The following DNAAF19 variants were observed in gnomAD, a reference collection of about 807,000 sequenced individuals.
DNAAF19 encodes the protein dynein axonemal assembly factor 19.
the DNAAF19 span, chr17:44,903,191 C>CA: frequency 1.0e-5 from 13 of 1,269,648 alleles, no homozygotes; most frequent in African/African-American, 2.0e-4. Context: ...TTATGGTAAA[C>CA]AAACACTGAT....
chr17:44,904,599 T>C, the DNAAF19 span: 4 of 1,550,548 alleles, frequency 2.6e-6, no homozygotes, highest in Admixed American at 7.8e-5. Flanking sequence ...CTGGCCATCA[T>C]TAACTATGTG....
the DNAAF19 span, chr17:44,901,674 T>C: frequency 6.2e-7 from 1 of 1,612,300 alleles, no homozygotes; most frequent in South Asian, 1.1e-5. Flanking sequence ...CCTGCCCCTT[T>C]AGTCCAGCAG....
the DNAAF19 span, chr17:44,904,660 C>T: frequency 1.9e-6 from 3 of 1,550,438 alleles, no homozygotes; most frequent in Admixed American, 3.9e-5. Flanking sequence ...TTCAGTTCCA[C>T]CAGCAGAGAC....
the DNAAF19 span, chr17:44,905,024 C>T: frequency 4.5e-6 from 7 of 1,549,742 alleles, no homozygotes; most frequent in Admixed American, 3.9e-5. Context: ...TCACTTCTGT[C>T]GTTGCTGCTG....
chr17:44,903,960 T>C, the DNAAF19 span: 2 of 1,550,528 alleles, frequency 1.3e-6, no homozygotes, highest in Admixed American at 2.0e-5. Context: ...GCAGCCTACC[T>C]GGCCGACATG....
chr17:44,900,990 G>A, the DNAAF19 span: 1 of 1,597,960 alleles, frequency 6.3e-7, no homozygotes. Context: ...GCCTTCCCAG[G>A]CACAGGCCAT....
chr17:44,902,488 C>A, the DNAAF19 span: 1 of 1,614,254 alleles, frequency 6.2e-7, no homozygotes. Flanking sequence ...GCTCGGCTGC[C>A]TCTTCCAGAC....
chr17:44,904,016 G>A, the DNAAF19 span: 770 of 1,550,666 alleles, frequency 5.0e-4, 8 homozygotes, highest in African/African-American at 9.7e-3. Flanking sequence ...GGTGCCAGCT[G>A]TAGTCTGGTT....
the DNAAF19 span, chr17:44,900,967 A>G: frequency 8.0e-5 from 127 of 1,582,032 alleles, 3 homozygotes; most frequent in South Asian, 1.3e-3. Context: ...GTCCACTGAC[A>G]TGTATTCCCT....
the DNAAF19 span, chr17:44,904,664 C>T: frequency 1.3e-6 from 2 of 1,550,456 alleles, no homozygotes; most frequent in Non-Finnish European, 1.7e-6. Flanking sequence ...GTTCCACCAG[C>T]AGAGACTGGG....
the DNAAF19 span, chr17:44,902,398 G>A: frequency 1.2e-6 from 2 of 1,614,218 alleles, no homozygotes; most frequent in Non-Finnish European, 8.5e-7. Context: ...GACGTCTGCT[G>A]ACTTCTATCG....
At chr17:44,903,608 C>T in the DNAAF19 span, 8 of 1,405,004 alleles carry the variant, frequency 5.7e-6, no homozygotes, top group Non-Finnish European at 7.4e-6. Context: ...TCCCCCCCCA[C>T]CCTGAGATCA....
chr17:44,902,374 C>T, the DNAAF19 span: 1 of 1,614,208 alleles, frequency 6.2e-7, no homozygotes, highest in Admixed American at 1.7e-5. Flanking sequence ...GGAGAAAGCC[C>T]CCCTCCAGCC....
At chr17:44,902,802 G>A in the DNAAF19 span, 1 of 1,554,792 alleles carries the variant, frequency 6.4e-7, no homozygotes, top group Non-Finnish European at 8.7e-7. Context: ...TGCTGGAGCT[G>A]TACCAGGTTG....
chr17:44,904,019 G>T, the DNAAF19 span: 3 of 1,550,644 alleles, frequency 1.9e-6, no homozygotes, highest in Non-Finnish European at 1.7e-6. Flanking sequence ...GCCAGCTGTA[G>T]TCTGGTTCTA....
the DNAAF19 span, chr17:44,902,398 G>C: frequency 2.5e-6 from 4 of 1,614,100 alleles, no homozygotes; most frequent in African/African-American, 4.0e-5. Context: ...GACGTCTGCT[G>C]ACTTCTATCG....
chr17:44,904,237 C>T, the DNAAF19 span: 26 of 1,550,562 alleles, frequency 1.7e-5, no homozygotes, highest in Admixed American at 2.2e-4. Flanking sequence ...TTTACGCCTA[C>T]GATGTGGACA....
chr17:44,902,229 G>C, the DNAAF19 span: 2 of 1,224,166 alleles, frequency 1.6e-6, no homozygotes, highest in Non-Finnish European at 2.4e-6. Context: ...AGGCCGCCAA[G>C]GACCACAGCT....
At chr17:44,900,913 C>A in the DNAAF19 span, 1 of 1,393,502 alleles carries the variant, frequency 7.2e-7, no homozygotes, top group Non-Finnish European at 9.6e-7. Flanking sequence ...ATTTTGTGTT[C>A]TGGTGAATAA....
Sources: allele counts gnomAD v4.1 joint callset, GRCh38; gene constraint gnomAD v4.1.1; transcripts MANE v1.5; gene names NCBI Gene and HGNC (gene_info 2026-07-23, HGNC 2026-07-21).